Variants in SUCLG2 observed in about 807,000 individuals in gnomAD.
SUCLG2 encodes the protein succinate-CoA ligase GDP-forming subunit beta.
Under a neutral mutation model 47.9 loss-of-function variants are expected in SUCLG2, and 42 were observed. That is an observed-to-expected ratio of 0.88 (90% CI 0.69 to 1.14). The LOEUF is 1.14. SUCLG2 is among the 50% of genes most tolerant of loss of function. The probability of loss-of-function intolerance (pLI) is 0.00; values close to 1 mark genes in which losing one functional copy is unlikely to be tolerated. For missense variants in SUCLG2, 571 were observed against 525.9 expected, an observed-to-expected ratio of 1.09 and a Z score of -0.84; for synonymous variants, 195 against 197.3, an observed-to-expected ratio of 0.99 and a Z score of 0.10.
In SUCLG2 at chr3:67,566,966, C is replaced by G. The variant is rs541386532; in HGVS notation, c.227-37780G>C. The stretch of plus-strand genomic sequence containing the variant: ...TTGGGAGGCCAAGGCAGGTGCATCA[C>G]TTGAGCTCAGGAATTCAAGACTAGC... On this transcript the variant is annotated intron_variant, in intron 2 of 10. Coordinates refer to ENST00000307227, the MANE Select transcript of SUCLG2 (RefSeq NM_003848.4). Among the ~76,000 whole-genome samples the G allele has an allele frequency of 3.9e-5, 6 of 152,296 alleles. No individual in the cohort carries two copies. The East Asian group carries it at 1.2e-3, about 29-fold the overall frequency.
chr3:67,544,089 T>A (rs978114137), intron 2 of SUCLG2, among the ~76,000 whole-genome samples: 4 of 152,160 alleles, frequency 2.6e-5, no homozygotes, highest in Non-Finnish European at 4.4e-5. Context: ...ATTCAAAAAA[T>A]TTTTTTAAAT....
At chr3:67,583,755 C>T (rs1707938708) in intron 2 of SUCLG2, among the ~76,000 whole-genome samples, 1 of 152,196 alleles carries the variant, frequency 6.6e-6, no homozygotes, top group Non-Finnish European at 1.5e-5. Context: ...TGACACAAGG[C>T]CCTCATCTTG....
intron 1 of SUCLG2, among the ~76,000 whole-genome samples, chr3:67,619,820 A>T (rs998997852): frequency 3.9e-4 from 59 of 152,334 alleles, no homozygotes; most frequent in African/African-American, 1.4e-3. Flanking sequence ...AAAAAAATAC[A>T]ACCTTGATAA....
chr3:67,388,656 A>C (rs1352090467), intron 10 of SUCLG2, among the ~76,000 whole-genome samples: 1 of 152,214 alleles, frequency 6.6e-6, no homozygotes, highest in African/African-American at 2.4e-5. Flanking sequence ...AATCAAGCCA[A>C]TGCTTTTTAG....
intron 1 of SUCLG2, among the ~76,000 whole-genome samples, chr3:67,627,738 C>T (rs1344881346): frequency 1.3e-5 from 2 of 152,190 alleles, no homozygotes; most frequent in African/African-American, 4.8e-5. Context: ...AGCTCCTCAT[C>T]CTGGCAAAAG....
chr3:67,532,406 G>A (rs1706428345), intron 2 of SUCLG2, among the ~76,000 whole-genome samples: 2 of 152,278 alleles, frequency 1.3e-5, no homozygotes, highest in South Asian at 4.1e-4. Context: ...AAAGTGCTAG[G>A]ATTACAGGCA....
rs114840829 is a variant in SUCLG2, at chr3:67,601,944, C to G, written c.226+7511G>C. 6.9e-3 allele frequency among the ~76,000 whole-genome samples: 1,051 copies of G among 151,978 alleles called. 13 individuals carry two copies. The highest frequency in any genetic ancestry group is 0.024 in the African/African-American group (998 of 41,418). ...TTGCAGTGAGCTAAGATCGCACCCC[C>G]CAACTCCAGCCGGGGCGACAGAGCA... On this transcript the variant is annotated intron_variant, in intron 2 of 10. Coordinates refer to ENST00000307227, the MANE Select transcript of SUCLG2 (RefSeq NM_003848.4).
At chr3:67,377,667 T>A (rs191997691) in intron 10 of SUCLG2, among the ~76,000 whole-genome samples, 32 of 152,266 alleles carry the variant, frequency 2.1e-4, no homozygotes, top group Non-Finnish European at 4.0e-4. Flanking sequence ...TTGCTTTTTG[T>A]TTTTGAGATA....
At chr3:67,624,376 T>C (rs1700787128) in intron 1 of SUCLG2, among the ~76,000 whole-genome samples, 1 of 152,232 alleles carries the variant, frequency 6.6e-6, no homozygotes, top group African/African-American at 2.4e-5. Flanking sequence ...CCACTATTTG[T>C]GTTTAGAAAG....
intron 2 of SUCLG2, among the ~76,000 whole-genome samples, chr3:67,549,261 C>A (rs904022175): frequency 6.6e-6 from 1 of 152,100 alleles, no homozygotes; most frequent in Non-Finnish European, 1.5e-5. Flanking sequence ...GATACTTAAG[C>A]AATGAAGTGA....
chr3:67,393,325 G>A (rs1484091769), intron 10 of SUCLG2, among the ~76,000 whole-genome samples: 6 of 150,934 alleles, frequency 4.0e-5, no homozygotes, highest in Middle Eastern at 3.4e-3. Flanking sequence ...CCCGAATACT[G>A]CGCTTTTCCG....
At chr3:67,556,804 T>C (rs1320199893) in intron 2 of SUCLG2, among the ~76,000 whole-genome samples, 3 of 152,210 alleles carry the variant, frequency 2.0e-5, no homozygotes, top group African/African-American at 7.2e-5. Context: ...GATAACAAGA[T>C]GTTTTTAACA....
chr3:67,537,056 A>G (rs1484202907), intron 2 of SUCLG2, among the ~76,000 whole-genome samples: 1 of 152,178 alleles, frequency 6.6e-6, no homozygotes, highest in Admixed American at 6.5e-5. Flanking sequence ...TACTTTTTAA[A>G]ATTATACTTT....
chr3:67,424,528 C>T (rs528187790), intron 9 of SUCLG2, among the ~76,000 whole-genome samples: 17 of 152,234 alleles, frequency 1.1e-4, no homozygotes, highest in Admixed American at 3.3e-4. Flanking sequence ...TAAAATTGCC[C>T]GGGCTCAACA....
intron 2 of SUCLG2, among the ~76,000 whole-genome samples, chr3:67,595,838 C>A (rs532417795): frequency 3.3e-5 from 5 of 152,286 alleles, no homozygotes; most frequent in Middle Eastern, 3.4e-3. Flanking sequence ...AGCACACACA[C>A]CAGATCAATA....
chr3:67,478,647 T>C (rs1704830797), intron 9 of SUCLG2, among the ~76,000 whole-genome samples: 1 of 152,240 alleles, frequency 6.6e-6, no homozygotes, highest in Non-Finnish European at 1.5e-5. Context: ...ACATTTAATT[T>C]ATGTAAATCC....
intron 9 of SUCLG2, among the ~76,000 whole-genome samples, chr3:67,435,555 G>A (rs574318649): frequency 1.3e-5 from 2 of 152,238 alleles, no homozygotes; most frequent in African/African-American, 4.8e-5. Flanking sequence ...AAGACTCAGT[G>A]GGGAGAATGT....
At chr3:67,582,584 G>A (rs1181019315) in intron 2 of SUCLG2, among the ~76,000 whole-genome samples, 1 of 152,136 alleles carries the variant, frequency 6.6e-6, no homozygotes, top group Non-Finnish European at 1.5e-5. Context: ...ACATATATGT[G>A]CATGTGTCTT....
At chr3:67,516,622 CA>C (rs1705951975) in intron 6 of SUCLG2, among the ~76,000 whole-genome samples, 2 of 152,168 alleles carry the variant, frequency 1.3e-5, no homozygotes, top group African/African-American at 4.8e-5. Flanking sequence ...ATGCACATGA[CA>C]AATGTTTCTT....
Sources: gnomAD v4.1 joint callset for allele counts (sites outside exome capture counted in the v4.1 genomes callset) on GRCh38, gnomAD v4.1.1 for gene constraint, MANE v1.5 for transcripts, NCBI Gene and HGNC (gene_info 2026-07-23, HGNC 2026-07-21) for gene names.